BCAT1: variants seen among roughly 807,000 people sequenced by gnomAD.
The protein encoded by BCAT1 is branched chain amino acid transaminase 1, also known as branched-chain-amino-acid aminotransferase, cytosolic.
A neutral mutation model predicts 52.4 loss-of-function variants in BCAT1; 48 were observed. That is an observed-to-expected ratio of 0.92 (90% CI 0.73 to 1.16). BCAT1 has a LOEUF of 1.16. Ranked by LOEUF, BCAT1 falls within the 50% of genes most tolerant of loss-of-function variation. The pLI is 0.00. For synonymous variants in BCAT1, 167 were observed against 161.3 expected, an observed-to-expected ratio of 1.04 and a Z score of -0.27; for missense variants, 451 against 457.1, an observed-to-expected ratio of 0.99 and a Z score of 0.12.
chr12:24,865,201 T>G (rs1056482623), intron 5 of BCAT1, among the ~76,000 whole-genome samples: 1 of 152,198 alleles, frequency 6.6e-6, no homozygotes, highest in African/African-American at 2.4e-5. Context: ...AATAATAGAC[T>G]TTCACATCTA....
chr12:24,888,632 G>A (rs1942749223), intron 3 of BCAT1, among the ~76,000 whole-genome samples: 1 of 152,168 alleles, frequency 6.6e-6, no homozygotes, highest in Admixed American at 6.6e-5. Flanking sequence ...CAGGTAAACA[G>A]GGAATGAAAT....
chr12:24,827,056 T>C (rs947356562), intron 10 of BCAT1, among the ~76,000 whole-genome samples: 2 of 152,214 alleles, frequency 1.3e-5, no homozygotes, highest in South Asian at 2.1e-4. Context: ...TAGGTTTTTC[T>C]AGGTGTAAGA....
intron 6 of BCAT1, among the ~76,000 whole-genome samples, chr12:24,847,877 A>G (rs890745316): frequency 2.0e-5 from 3 of 152,226 alleles, no homozygotes; most frequent in Non-Finnish European, 2.9e-5. Context: ...CTGTTGACTT[A>G]ATTAGGTTTA....
intron 1 of BCAT1, among the ~76,000 whole-genome samples, chr12:24,943,710 A>C (rs11047720): frequency 0.028 from 4,199 of 152,034 alleles, 86 homozygotes; most frequent in East Asian, 0.055. Flanking sequence ...TGAGGCCGGG[A>C]GCGGTGGCTC....
At chr12:24,831,711 CT>C (rs971599351) in intron 9 of BCAT1, among the ~76,000 whole-genome samples, 16 of 152,334 alleles carry the variant, frequency 1.1e-4, no homozygotes, top group African/African-American at 3.8e-4. Context: ...GTTGACACCC[CT>C]AATCCCTGTG....
chr12:24,937,591 C>T (rs1943781090), intron 1 of BCAT1, among the ~76,000 whole-genome samples: 1 of 152,132 alleles, frequency 6.6e-6, no homozygotes, highest in African/African-American at 2.4e-5. Context: ...TCACAGATCA[C>T]TTCAGCTCCT....
Position 24,814,283 on chromosome 12 carries a change from T to C in BCAT1, c.*3725A>G, listed in dbSNP as rs150359826. 6 of 152,256 alleles carry C rather than the reference T, an allele frequency of 3.9e-5. No individual in the cohort carries two copies. The South Asian group carries it at 1.0e-3, about 26-fold the overall frequency. 9.4% of individuals were successfully genotyped at this position (152,256 alleles called of 1,614,324 possible). A position where few individuals can be genotyped will look rare whatever the true frequency, so the allele number is the denominator to read the frequency against. On this transcript the variant is annotated 3_prime_UTR_variant, in exon 11 of 11. Coordinates refer to ENST00000261192, the MANE Select transcript of BCAT1 (RefSeq NM_005504.7). The stretch of plus-strand genomic sequence containing the variant: ...CTAACCCTTAACTCTTCTGCCGGCT[T>C]ACTTGGTACCTCTGATGAATATTTA...
intron 1 of BCAT1, among the ~76,000 whole-genome samples, chr12:24,946,213 G>A (rs1943931009): frequency 6.6e-6 from 1 of 152,142 alleles, no homozygotes; most frequent in Admixed American, 6.5e-5. Context: ...CTCTCAGTTA[G>A]GTTAATAACA....
At chr12:24,863,932 A>G (rs1217440382) in intron 5 of BCAT1, among the ~76,000 whole-genome samples, 1 of 147,916 alleles carries the variant, frequency 6.8e-6, no homozygotes, top group Non-Finnish European at 1.5e-5. Context: ...CCTTGTCTCA[A>G]AAAAAAAAAA....
chr12:24,940,212 C>G (rs1419172123), intron 1 of BCAT1, among the ~76,000 whole-genome samples: 2 of 152,156 alleles, frequency 1.3e-5, no homozygotes, highest in African/African-American at 2.4e-5. Flanking sequence ...ATATAAGGCA[C>G]TTTTAATTAA....
At chr12:24,878,281 T>G (rs1219157839) in intron 5 of BCAT1, among the ~76,000 whole-genome samples, 1 of 152,170 alleles carries the variant, frequency 6.6e-6, no homozygotes, top group Non-Finnish European at 1.5e-5. Flanking sequence ...ATAATTGATT[T>G]TGGGGTATGG....
At chr12:24,859,780 A>G (rs974529010) in intron 5 of BCAT1, among the ~76,000 whole-genome samples, 31 of 152,120 alleles carry the variant, frequency 2.0e-4, no homozygotes, top group African/African-American at 7.5e-4. Flanking sequence ...ATTCTATATT[A>G]TGCCTTTTCC....
At chr12:24,859,614 G>A (rs138968354) in intron 5 of BCAT1, among the ~76,000 whole-genome samples, 5,310 of 79,660 alleles carry the variant, frequency 0.067, 349 homozygotes, top group African/African-American at 0.22. Flanking sequence ...AGCCAGACTC[G>A]TCTCAAAAAA....
chr12:24,869,477 T>C (rs922385559), intron 5 of BCAT1, among the ~76,000 whole-genome samples: 2 of 152,202 alleles, frequency 1.3e-5, no homozygotes, highest in Non-Finnish European at 2.9e-5. Flanking sequence ...CCTTTCAAAT[T>C]GTCTGCGAGC....
intron 1 of BCAT1, among the ~76,000 whole-genome samples, chr12:24,944,673 A>G (rs1352804550): frequency 3.9e-5 from 6 of 152,234 alleles, no homozygotes; most frequent in African/African-American, 1.4e-4. Context: ...TTGATGAAAC[A>G]TTCAAATCTA....
At chr12:24,855,311 A>G (rs1941642618) in intron 5 of BCAT1, among the ~76,000 whole-genome samples, 1 of 151,248 alleles carries the variant, frequency 6.6e-6, no homozygotes, top group Admixed American at 6.6e-5. Flanking sequence ...GCAGTTAAAA[A>G]AAAAAAAAAA....
intron 8 of BCAT1, chr12:24,834,796 G>A (rs1164072106): frequency 2.6e-6 from 3 of 1,162,454 alleles, no homozygotes; most frequent in Non-Finnish European, 3.2e-6. Context: ...AAAACAAGCT[G>A]AGTTCTGTGT....
At chr12:24,821,305 C>T in intron 10 of BCAT1, among the ~76,000 whole-genome samples, 1 of 152,180 alleles carries the variant, frequency 6.6e-6, no homozygotes, top group East Asian at 1.9e-4. Flanking sequence ...CTGCTCCTAT[C>T]TCATTCAAGC....
intron 10 of BCAT1, among the ~76,000 whole-genome samples, chr12:24,818,542 G>A (rs1271109392): frequency 1.3e-5 from 2 of 152,110 alleles, no homozygotes; most frequent in African/African-American, 4.8e-5. Context: ...TCTGGGGATG[G>A]GTTCCAGCAA....
Sources: gnomAD v4.1 joint callset for allele counts (sites outside exome capture counted in the v4.1 genomes callset) on GRCh38, gnomAD v4.1.1 for gene constraint, MANE v1.5 for transcripts, NCBI Gene and HGNC (gene_info 2026-07-23, HGNC 2026-07-21) for gene names.